The following TBC1D8 variants were observed in gnomAD, a reference collection of about 807,000 sequenced individuals.
TBC1D8 encodes the protein TBC1 domain family member 8.
TBC1D8 carries 65 observed loss-of-function variants against 118.8 expected under a neutral mutation model. The observed-to-expected ratio is 0.55, with a 90% CI of 0.45 to 0.67. The LOEUF (loss-of-function observed/expected upper bound fraction) is 0.67, where lower values mean the gene tolerates loss of function less well. Among genes scored for constraint, TBC1D8 ranks in the 30% least tolerant of loss-of-function variants. TBC1D8 has a pLI of 0.00. For synonymous variants in TBC1D8, 566 were observed against 595.8 expected (o/e 0.95, Z 0.73); for missense variants, 1,376 against 1,471.2 (o/e 0.94, Z 1.06).
At chr2:101,089,324 G>T (rs1452678349) in intron 2 of TBC1D8, among the ~76,000 whole-genome samples, 3 of 152,088 alleles carry the variant, frequency 2.0e-5, no homozygotes, top group East Asian at 1.9e-4. Context: ...TATGCAGAAA[G>T]AAGATTAGCT....
rs759627226 is a variant in TBC1D8, at chr2:101,038,455, C to T, written c.1275+6G>A. On this transcript the variant is annotated splice_donor_region_variant and intron_variant, in intron 7 of 19. Transcript: ENST00000409318. ...AGGGGATCATCAGGGTCTGGAGGGACCATACCATGTCATCATCCGCAGAGG... is the reference window on the plus strand; with the variant it reads ...AGGGGATCATCAGGGTCTGGAGGGATCATACCATGTCATCATCCGCAGAGG... 1.2e-6 allele frequency: 2 copies of T among 1,613,036 alleles called. No homozygotes were observed. The highest frequency in any genetic ancestry group is 1.1e-5 in the South Asian group (1 of 91,064).
chr2:101,148,993 GT>G (rs1323691103), intron 1 of TBC1D8, among the ~76,000 whole-genome samples: 3 of 152,138 alleles, frequency 2.0e-5, no homozygotes, highest in African/African-American at 7.2e-5. Context: ...CACAGCACAC[GT>G]GGCAGGTCAG....
chr2:101,108,016 AC>A (rs1677334090), intron 1 of TBC1D8, among the ~76,000 whole-genome samples: 1 of 148,958 alleles, frequency 6.7e-6, no homozygotes, highest in Non-Finnish European at 1.5e-5. Flanking sequence ...TATGATCACC[AC>A]TGCATTCGAG....
At chr2:101,046,671 A>G (rs539914139) in intron 5 of TBC1D8, among the ~76,000 whole-genome samples, 140 of 152,166 alleles carry the variant, frequency 9.2e-4, no homozygotes, top group Non-Finnish European at 1.7e-3. Context: ...AAGAGCAGGA[A>G]AAGGGAGAGT....
chr2:101,059,431 C>T lies in TBC1D8; in HGVS notation c.392G>A (p.Gly131Glu). 1 of 1,613,326 alleles carries T rather than the reference C, an allele frequency of 6.2e-7. No homozygotes were observed. The highest frequency in any genetic ancestry group is 1.1e-5 in the South Asian group (1 of 91,034). ...ACTCAGGGGACCTACCTTTACCTTC[C>T]CTTTGACAAAACTGGCAATGTCATC... ...NKDDIASFVKGKVKALIAEET... is the reference protein window; with the variant it reads ...NKDDIASFVKEKVKALIAEET... The change falls in exon 3 of 20, where the codon GGG becomes GAG. Residue 131 changes from glycine to glutamate, a missense_variant. By Grantham distance (98) the Gly-to-Glu change is moderately conservative. Coordinates refer to ENST00000409318, the MANE Select transcript of TBC1D8 (RefSeq NM_001330348.2).
chr2:101,031,723 AG>A (rs1292422451), intron 11 of TBC1D8, among the ~76,000 whole-genome samples: 1 of 152,168 alleles, frequency 6.6e-6, no homozygotes, highest in African/African-American at 2.4e-5. Context: ...AGCTTTCTTA[AG>A]ATGTCCTTAT....
intron 17 of TBC1D8, among the ~76,000 whole-genome samples, chr2:101,012,877 C>T (rs924611832): frequency 6.6e-6 from 1 of 152,278 alleles, no homozygotes; most frequent in Non-Finnish European, 1.5e-5. Context: ...CTTACTTTTT[C>T]CAACTTTGCC....
At chr2:101,129,988 C>T (rs916238490) in intron 1 of TBC1D8, among the ~76,000 whole-genome samples, 6 of 152,014 alleles carry the variant, frequency 3.9e-5, no homozygotes, top group Non-Finnish European at 1.5e-5. Context: ...AGTCAGTGGA[C>T]CTTTTCCTGG....
At position 101,040,232 on chromosome 2, in the gene TBC1D8, G is replaced by A; in HGVS notation, c.1026C>T (p.Ile342=). 1 of 1,614,040 alleles carries A rather than the reference G, an allele frequency of 6.2e-7. No individual in the cohort carries two copies. Among genetic ancestry groups the A allele is most frequent in the Admixed American group, 1.7e-5 (1 of 60,022 alleles). Residue 342 remains isoleucine (I), a synonymous_variant, in exon 6 of 20, where the codon ATC becomes ATT. Transcript: ENST00000409318. ...TGRMFASDSY[I]CFASREDGCC... ...AGCCATCTTCTCTGCTGGCAAAGCA[G>A]ATGTAGCTGTCAGAGGCGAACATCC...
At chr2:101,092,732 A>T (rs183432992) in intron 1 of TBC1D8, among the ~76,000 whole-genome samples, 1 of 151,968 alleles carries the variant, frequency 6.6e-6, no homozygotes, top group East Asian at 1.9e-4. Context: ...TTGTACTTTC[A>T]CTACTCTGGC....
At chr2:101,066,183 C>CT (rs1337911608) in intron 2 of TBC1D8, among the ~76,000 whole-genome samples, 2 of 152,050 alleles carry the variant, frequency 1.3e-5, no homozygotes, top group Non-Finnish European at 2.9e-5. Flanking sequence ...ACTCAGGAGG[C>CT]TGAGGCAAGA....
chr2:101,151,204 C>G lies in TBC1D8; in HGVS notation c.50G>C (p.Trp17Ser). Residue 17 changes from tryptophan to serine, a missense_variant, in exon 1 of 20, where the codon TGG becomes TCG. By Grantham distance (177) the Trp-to-Ser change is radical. Coordinates refer to ENST00000409318, the MANE Select transcript of TBC1D8 (RefSeq NM_001330348.2). ...EVLLKNALKLWVTQKSSCYFI... is the reference protein window; with the variant it reads ...EVLLKNALKLSVTQKSSCYFI... ...GTAGCAGCTGCTCTTCTGGGTCACC[C>G]AGAGCTTCAGCGCGTTCTTCAGCAG... is the stretch of plus-strand genomic sequence containing the variant. 7.9e-7 allele frequency: 1 copy of G among 1,261,152 alleles called. No homozygotes were observed. Among genetic ancestry groups the G allele is most frequent in the Non-Finnish European group, 1.0e-6 (1 of 978,558 alleles). The allele number at this position is 1,261,152 out of a possible 1,614,324, so 78.1% of individuals were successfully genotyped here. A position where few individuals can be genotyped will look rare whatever the true frequency, so the allele number is the denominator to read the frequency against.
Position 101,071,269 on chromosome 2 carries a change from C to T in TBC1D8, c.284-11730G>A, listed in dbSNP as rs556185880. ...CTGAGGCAGGAGAATGGTGTGAACC[C>T]GGGAGGCGGAGCTTGCAGTGAGCCG... On this transcript the variant is annotated intron_variant, in intron 2 of 19. Transcript: ENST00000409318. Among the ~76,000 whole-genome samples, 27 of 152,160 alleles carry T rather than the reference C, an allele frequency of 1.8e-4. No individual in the cohort carries two copies. The South Asian group carries it at 3.1e-3, about 18-fold the overall frequency.
At chr2:101,125,163 G>T (rs2104243257) in intron 1 of TBC1D8, among the ~76,000 whole-genome samples, 2 of 152,056 alleles carry the variant, frequency 1.3e-5, no homozygotes, top group East Asian at 3.9e-4. Flanking sequence ...CAGCCAACAA[G>T]AGCAATCTGG....
At chr2:101,045,142 T>C (rs1209751904) in intron 5 of TBC1D8, among the ~76,000 whole-genome samples, 1 of 152,158 alleles carries the variant, frequency 6.6e-6, no homozygotes, top group Non-Finnish European at 1.5e-5. Flanking sequence ...TTGCTGAAGC[T>C]TAAATTAATA....
At chr2:101,116,525 G>A (rs763400343) in intron 1 of TBC1D8, among the ~76,000 whole-genome samples, 2 of 151,676 alleles carry the variant, frequency 1.3e-5, no homozygotes, top group Non-Finnish European at 2.9e-5. Flanking sequence ...GGGCCAACTC[G>A]CCCCTTCCAA....
chr2:101,103,319 TA>T (rs1233445181), intron 1 of TBC1D8, among the ~76,000 whole-genome samples: 24 of 130,250 alleles, frequency 1.8e-4, no homozygotes, highest in Admixed American at 2.3e-4. Context: ...TTCATGATTT[TA>T]AAAAAAAAAA....
intron 1 of TBC1D8, among the ~76,000 whole-genome samples, chr2:101,134,501 T>C (rs529235371): frequency 6.6e-6 from 1 of 152,326 alleles, no homozygotes; most frequent in South Asian, 2.1e-4. Context: ...CTCATGGCTC[T>C]GGAGGCTGGA....
chr2:101,102,084 CAGAA>C (rs1398065620), intron 1 of TBC1D8, among the ~76,000 whole-genome samples: 2 of 151,242 alleles, frequency 1.3e-5, no homozygotes, highest in African/African-American at 4.9e-5. Flanking sequence ...AGGGGAGAGA[CAGAA>C]AGAGAAAAAG....
Sources: gnomAD v4.1 joint callset for allele counts (sites outside exome capture counted in the v4.1 genomes callset) on GRCh38, gnomAD v4.1.1 for gene constraint, MANE v1.5 for transcripts, NCBI Gene and HGNC (gene_info 2026-07-23, HGNC 2026-07-21) for gene names.